HNF4A: variants seen among roughly 807,000 people sequenced by gnomAD.
The protein encoded by HNF4A is hepatocyte nuclear factor 4-alpha.
Under a neutral mutation model 52.4 loss-of-function variants are expected in HNF4A, and 15 were observed. That is an observed-to-expected ratio of 0.29 (90% CI 0.19 to 0.44). The LOEUF is 0.44. Among genes scored for constraint, HNF4A ranks in the 20% least tolerant of loss-of-function variants. The pLI is 1.00. For missense variants in HNF4A, 479 were observed against 647.2 expected, an observed-to-expected ratio of 0.74 and a Z score of 2.82; for synonymous variants, 280 against 264.4, an observed-to-expected ratio of 1.06 and a Z score of -0.57.
intron 1 of HNF4A, among the ~76,000 whole-genome samples, chr20:44,391,157 C>T (rs2063297584): frequency 6.6e-6 from 1 of 152,158 alleles, no homozygotes; most frequent in Non-Finnish European, 1.5e-5. Flanking sequence ...CATCCCCTCA[C>T]CCAGAGCTTG....
intron 7 of HNF4A, among the ~76,000 whole-genome samples, chr20:44,423,400 C>T (rs1176086098): frequency 6.6e-6 from 1 of 152,170 alleles, no homozygotes; most frequent in African/African-American, 2.4e-5. Context: ...ACAACAATTA[C>T]ATCCTGTGTG....
chr20:44,366,630 A>G (rs1288589186), intron 1 of HNF4A, among the ~76,000 whole-genome samples: 1 of 152,194 alleles, frequency 6.6e-6, no homozygotes, highest in African/African-American at 2.4e-5. Context: ...CAAAAAGAAA[A>G]AAACAAAAAA....
At chr20:44,397,955 A>G (rs990674713), upstream of HNF4A, among the ~76,000 whole-genome samples, 1 of 152,156 alleles carries the variant, frequency 6.6e-6, no homozygotes, top group African/African-American at 2.4e-5. Context: ...AAGACACTGT[A>G]CATTTAAAGT....
chr20:44,426,428 A>C (rs1439159098), intron 8 of HNF4A, among the ~76,000 whole-genome samples: 1 of 152,058 alleles, frequency 6.6e-6, no homozygotes, highest in Non-Finnish European at 1.5e-5. Flanking sequence ...TTGACTATGA[A>C]GGGGAGTATG....
At chr20:44,402,743 G>C in intron 1 of HNF4A, 1 of 573,928 alleles carries the variant, frequency 1.7e-6, no homozygotes, top group Non-Finnish European at 2.9e-6. Flanking sequence ...GCTGGCTGAG[G>C]TCAGCCTGCC....
At chr20:44,379,359 T>C (rs2063124419) in intron 1 of HNF4A, among the ~76,000 whole-genome samples, 1 of 152,088 alleles carries the variant, frequency 6.6e-6, no homozygotes, top group Admixed American at 6.6e-5. Context: ...TTTCATTTTT[T>C]AGGAAGCCGC....
intron 1 of HNF4A, among the ~76,000 whole-genome samples, chr20:44,364,144 G>C (rs55968934): frequency 6.6e-6 from 1 of 152,142 alleles, no homozygotes; most frequent in African/African-American, 2.4e-5. Flanking sequence ...CTAGGGCTTA[G>C]CCTCTCCCCA....
chr20:44,385,057 A>ATT (rs1491454694), intron 1 of HNF4A, among the ~76,000 whole-genome samples: 6 of 29,922 alleles, frequency 2.0e-4, no homozygotes, highest in African/African-American at 1.1e-3. Flanking sequence ...GAACTCTGTG[A>ATT]TCTTTTTTTT....
intron 3 of HNF4A, 21 bp from the exon 4 acceptor site, chr20:44,413,673 C>A: frequency 6.3e-7 from 1 of 1,595,054 alleles, no homozygotes; most frequent in Non-Finnish European, 8.6e-7. Flanking sequence ...TCCCTCCTCA[C>A]CTCTCTGTGC....
intron 1 of HNF4A, among the ~76,000 whole-genome samples, chr20:44,370,104 G>A (rs1032648805): frequency 6.6e-6 from 1 of 152,094 alleles, no homozygotes; most frequent in Non-Finnish European, 1.5e-5. Context: ...TCGGCTCACT[G>A]CAAGCTCCGC....
rs1227407354 is a variant in HNF4A, at chr20:44,388,381, AC to A, written c.50-17672del. On this transcript the variant is annotated intron_variant, in intron 1 of 9. Transcript: ENST00000316673. ...GGAACCTTCCTCAAAGACCCCCCCC[AC>A]CCCCGTACATTGGAACAAGGTGCTG... 2.6e-5 allele frequency among the ~76,000 whole-genome samples: 2 copies of A among 76,228 alleles called. 1 individual carries two copies. The highest frequency in any genetic ancestry group is 1.9e-4 in the African/African-American group (2 of 10,488). 50.0% of individuals were successfully genotyped at this position (76,228 alleles called of 152,430 possible). A position where few individuals can be genotyped will look rare whatever the true frequency, so the allele number is the denominator to read the frequency against.
Position 44,410,797 on chromosome 20 carries a change from C to G in HNF4A, c.386-2897C>G, listed in dbSNP as rs149400074. 9.9e-3 allele frequency among the ~76,000 whole-genome samples: 1,502 copies of G among 152,126 alleles called. 35 individuals are homozygous for G. The highest frequency in any genetic ancestry group is 0.034 in the African/African-American group (1,407 of 41,506). Reference sequence around the variant, plus strand: ...GGTGGAGTCAGGTCTAGAACTCAGGCTCCCCAGAGCTGAGCAGACACCAAG... The same window carrying G: ...GGTGGAGTCAGGTCTAGAACTCAGGGTCCCCAGAGCTGAGCAGACACCAAG... On this transcript the variant is annotated intron_variant, in intron 3 of 9. Coordinates refer to ENST00000316099, the MANE Select transcript of HNF4A (RefSeq NM_000457.6).
intron 1 of HNF4A, among the ~76,000 whole-genome samples, chr20:44,371,658 C>T (rs1455331809): frequency 6.6e-6 from 1 of 151,966 alleles, no homozygotes; most frequent in Non-Finnish European, 1.5e-5. Flanking sequence ...AATCCCATCT[C>T]TACTAAAAAT....
At chr20:44,413,640 C>T (rs2063617600) in intron 3 of HNF4A, 54 bp from the exon 4 acceptor site, 2 of 1,332,588 alleles carry the variant, frequency 1.5e-6, no homozygotes, top group South Asian at 1.2e-5. Flanking sequence ...CAGACACCCC[C>T]ACCCCCTACT....
At position 44,420,921 on chromosome 20, in the gene HNF4A, T is replaced by A. The variant is rs182287767; in HGVS notation, c.892+1045T>A. ...CTAAGTCTACTCCCCAAGAGAAGCA[T>A]GTCTGATTATTTTAATTGTTTCTTC... On this transcript the variant is annotated intron_variant, in intron 7 of 9. Transcript: ENST00000316099. Among the ~76,000 whole-genome samples the A allele has an allele frequency of 3.9e-5, 6 of 152,332 alleles. No homozygotes were observed. The East Asian group carries it at 9.7e-4, about 25-fold the overall frequency.
rs555218618 is a variant in HNF4A, at chr20:44,407,298, C to T, written c.291-83C>T. The T allele has an allele frequency of 5.3e-5, 54 of 1,013,960 alleles. 2 individuals are homozygous for T. The East Asian group carries it at 1.4e-3, about 26-fold the overall frequency. The allele number at this position is 1,013,960 out of a possible 1,614,324, so 62.8% of individuals were successfully genotyped here. ...GATGAGAGCACTGAGGTTGGGGGGT[C>T]AACTGGATAGCCAGGGCCCTAGTTC... On this transcript the variant is annotated intron_variant, in intron 2 of 9. Transcript: ENST00000316099.
At chr20:44,432,963 T>C (rs1195906548), downstream of HNF4A, 3 of 152,182 alleles carry the variant, frequency 2.0e-5, no homozygotes, top group Non-Finnish European at 2.9e-5. Context: ...TATAGTTCTT[T>C]GTGATGTGCA....
At chr20:44,402,792 T>C in intron 1 of HNF4A, 1 of 371,324 alleles carries the variant, frequency 2.7e-6, no homozygotes, top group Non-Finnish European at 5.3e-6. Flanking sequence ...ACTCAGCCAG[T>C]ATGAGGCTGC....
At chr20:44,421,799 A>G (rs1226130709) in intron 7 of HNF4A, among the ~76,000 whole-genome samples, 1 of 146,922 alleles carries the variant, frequency 6.8e-6, no homozygotes, top group East Asian at 2.0e-4. Flanking sequence ...TATATTATAT[A>G]TATATAATAT....
Sources: allele counts gnomAD v4.1 joint callset (sites outside exome capture counted in the v4.1 genomes callset), GRCh38; gene constraint gnomAD v4.1.1; transcripts MANE v1.5; gene names NCBI Gene and HGNC (gene_info 2026-07-23, HGNC 2026-07-21).